Variants in SNAPC4 observed in about 807,000 individuals in gnomAD.
SNAPC4 encodes the protein snRNA-activating protein complex subunit 4.
Under a neutral mutation model 151.3 loss-of-function variants are expected in SNAPC4, and 127 were observed. The observed-to-expected ratio is 0.84, with a 90% CI of 0.73 to 0.97. The LOEUF (loss-of-function observed/expected upper bound fraction) is 0.97. Among genes scored for constraint, SNAPC4 ranks in the 50% least tolerant of loss-of-function variants. The probability of loss-of-function intolerance (pLI) is 0.00; values close to 1 mark genes in which losing one functional copy is unlikely to be tolerated. For synonymous variants in SNAPC4, 1,002 were observed against 824.4 expected (o/e 1.22, Z -3.69); for missense variants, 2,186 against 1,935.0 (o/e 1.13, Z -2.43).
Position 136,378,290 on chromosome 9 carries a change from C to T in SNAPC4, c.3537G>A (p.Gln1179=), listed in dbSNP as rs1370543497. Residue 1179 remains glutamine (Q), a synonymous_variant, in exon 22 of 24, where the codon CAG becomes CAA. Transcript: ENST00000684778. ...GSVAFVPGEA[Q]VAREIPEPRT... Reference sequence around the variant, plus strand: ...TGGGCTCAGGTATCTCCCTGGCCACCTGGGCCTCTCCAGGGACAAAGGCCA... The same window carrying T: ...TGGGCTCAGGTATCTCCCTGGCCACTTGGGCCTCTCCAGGGACAAAGGCCA... 1.2e-5 allele frequency: 20 copies of T among 1,604,752 alleles called. No homozygotes were observed. The highest frequency in any genetic ancestry group is 1.7e-5 in the Non-Finnish European group (20 of 1,176,268).
intron 3 of SNAPC4, among the ~76,000 whole-genome samples, 165 bp from the exon 4 acceptor site, chr9:136,395,935 G>A (rs970963157): frequency 6.6e-5 from 10 of 152,252 alleles, no homozygotes; most frequent in African/African-American, 1.4e-4. Context: ...GCGGGAGGGC[G>A]TCTGAGTTTG....
At chr9:136,398,613 C>T in intron 1 of SNAPC4, 176 bp from the exon 2 acceptor site, 2 of 653,734 alleles carry the variant, frequency 3.1e-6, no homozygotes, top group Non-Finnish European at 5.2e-6. Flanking sequence ...GGGACAGGAA[C>T]CTCAGACCCC....
At chr9:136,390,554 GAAAAAAAAAAAA>G (rs58732608) in intron 10 of SNAPC4, among the ~76,000 whole-genome samples, 1,250 of 48,914 alleles carry the variant, frequency 0.026, 34 homozygotes, top group African/African-American at 0.1. Flanking sequence ...GACTCTGTTT[GAAAAAAAAAAAA>G]AAAAAAAAAA....
intron 13 of SNAPC4, among the ~76,000 whole-genome samples, chr9:136,386,134 C>G (rs1564386969): frequency 6.7e-6 from 1 of 148,224 alleles, no homozygotes. Flanking sequence ...GACATCCTTG[C>G]CAACACGGTG....
At chr9:136,386,001 A>G (rs545987388) in intron 13 of SNAPC4, among the ~76,000 whole-genome samples, 2 of 151,936 alleles carry the variant, frequency 1.3e-5, no homozygotes, top group South Asian at 4.2e-4. Flanking sequence ...CCTACTTTCG[A>G]TTCTTTTGGG....
rs765922677 is a variant in SNAPC4, at chr9:136,383,145, G to GA, written c.1983+40dup. 1.3e-6 allele frequency: 2 copies of GA among 1,509,020 alleles called. No homozygotes were observed. Among genetic ancestry groups the GA allele is most frequent in the South Asian group, 2.7e-5 (2 of 74,862 alleles). The allele number at this position is 1,509,020 out of a possible 1,614,324, so 93.5% of individuals were successfully genotyped here. A position where few individuals can be genotyped will look rare whatever the true frequency, so the allele number is the denominator to read the frequency against. On this transcript the variant is annotated intron_variant, in intron 16 of 23. Coordinates refer to ENST00000684778, the MANE Select transcript of SNAPC4 (RefSeq NM_003086.4). The surrounding 1 kb of genome is among the most constrained non-coding windows in gnomAD (Gnocchi z 4.2). ...GCGTCAGCCCTGGCGAGCGAGTGCC[G>GA]AAAGTGCACTTCCCGTGGTACACCC...
chr9:136,384,154 G>T, intron 14 of SNAPC4, 122 bp from the exon 15 acceptor site: 1 of 716,768 alleles, frequency 1.4e-6, no homozygotes, highest in Non-Finnish European at 2.3e-6. Flanking sequence ...GCACTCTCAC[G>T]CTGGGGGGTC....
intron 11 of SNAPC4, 66 bp downstream of exon 11, chr9:136,388,378 A>G (rs985299116): frequency 6.5e-7 from 1 of 1,533,592 alleles, no homozygotes; most frequent in Non-Finnish European, 8.9e-7. Context: ...TTTCCCTGCA[A>G]GTCTCCAGTG....
intron 22 of SNAPC4, 80 bp from the exon 23 acceptor site, chr9:136,376,561 G>C: frequency 6.5e-7 from 1 of 1,544,314 alleles, no homozygotes; most frequent in Non-Finnish European, 8.9e-7. Context: ...GAGTGAGGAG[G>C]GGCCCTGTGG....
Position 136,378,583 on chromosome 9 carries a change from C to T in SNAPC4, c.3244G>A (p.Ala1082Thr), listed in dbSNP as rs1183311480. 6.3e-7 allele frequency: 1 copy of T among 1,586,236 alleles called. No individual in the cohort carries two copies. The change falls in exon 22 of 24, where the codon GCC becomes ACC. Residue 1082 changes from alanine (A) to threonine (T), a missense_variant. Physicochemically the swap from Ala to Thr is moderately conservative, Grantham distance 58. Transcript: ENST00000684778. ...ACAGGAACAGGGAGAAGCCCCTGGG[C>T]TGTGAGCACCCAGGTGACAGGCAGG... ...VPLPVTWVLT[A>T]QGLLPVPVPA...
chr9:136,380,932 G>A, intron 19 of SNAPC4, 82 bp from the exon 20 acceptor site: 1 of 806,692 alleles, frequency 1.2e-6, no homozygotes, highest in South Asian at 1.5e-5. Context: ...AGAACCTGGG[G>A]CAGCCCTGAG....
chr9:136,386,883 G>A (rs1833907888), intron 13 of SNAPC4, among the ~76,000 whole-genome samples: 2 of 152,126 alleles, frequency 1.3e-5, no homozygotes, highest in Admixed American at 1.3e-4. Context: ...CTCCCAAGTA[G>A]CTGGGATTAC....
intron 12 of SNAPC4, 62 bp from the exon 13 acceptor site, chr9:136,387,641 C>A: frequency 7.0e-7 from 1 of 1,436,910 alleles, no homozygotes. Context: ...CCTCCCCACC[C>A]TGAACCCAGT....
rs531570724 is a variant in SNAPC4, at chr9:136,377,788, A to G, written c.4039T>C (p.Ser1347Pro). The G allele has an allele frequency of 1.2e-5, 19 of 1,611,932 alleles. No homozygotes were observed. The East Asian group carries it at 3.6e-4, about 30-fold the overall frequency. Residue 1347 changes from serine to proline, a missense_variant, in exon 22 of 24, where the codon TCA becomes CCA. Ser to Pro is a moderately conservative substitution (Grantham distance 74). Coordinates refer to ENST00000684778, the MANE Select transcript of SNAPC4 (RefSeq NM_003086.4). Reference protein sequence around the residue: ...AERPAGALQASLGLVRGQLQD... With the variant: ...AERPAGALQAPLGLVRGQLQD... ...AGCTGCCCCCGCACCAGCCCCAGTG[A>G]GGCTTGCAGTGCTCCGGCCGGCCGC...
rs976666862 is a variant in SNAPC4, at chr9:136,387,031, C to T, written c.1325+454G>A. Among the ~76,000 whole-genome samples the T allele has an allele frequency of 4.6e-5, 7 of 152,344 alleles. No individual in the cohort carries two copies. In the South Asian group the frequency reaches 1.4e-3, roughly 32 times the overall value. ...AAGTACTGGGATTACAGGCGTGAGC[C>T]ACTGCGCCCAGCTTCGGAAATATAC... is the stretch of plus-strand genomic sequence containing the variant. On this transcript the variant is annotated intron_variant, in intron 13 of 23. Transcript: ENST00000684778.
chr9:136,392,838 C>A, intron 7 of SNAPC4, 61 bp from the exon 8 acceptor site: 1 of 1,351,902 alleles, frequency 7.4e-7, no homozygotes, highest in Non-Finnish European at 1.0e-6. Flanking sequence ...GGGGCAGGTT[C>A]TCTGCACATT....
chr9:136,376,902 A>C (rs1236361778), intron 22 of SNAPC4, among the ~76,000 whole-genome samples: 2 of 152,130 alleles, frequency 1.3e-5, no homozygotes, highest in African/African-American at 4.8e-5. Flanking sequence ...CACACTCCCT[A>C]TGACAGGCCC....
chr9:136,381,198 A>G, intron 19 of SNAPC4, 124 bp downstream of exon 19: 2 of 797,784 alleles, frequency 2.5e-6, no homozygotes, highest in Non-Finnish European at 2.2e-6. Flanking sequence ...TGAAAAGTGC[A>G]TTTTCAAGGC....
In SNAPC4 at chr9:136,381,360, G is replaced by A. The variant is rs759546458; in HGVS notation, c.2350C>T (p.Arg784Cys). The A allele has an allele frequency of 1.2e-6, 2 of 1,612,634 alleles. No individual in the cohort carries two copies. The highest frequency in any genetic ancestry group is 1.1e-5 in the South Asian group (1 of 91,088). Residue 784 changes from arginine (R) to cysteine (C), a missense_variant, in exon 19 of 24, where the codon CGC becomes TGC. Transcript: ENST00000684778. ...DGLREQLQQA[R>C]LASTPVFTLF... ...GTAAACACAGGGGTGCTGGCCAGGC[G>A]GGCCTGCTGCAGCTGCTCCCTGAGG... is the stretch of plus-strand genomic sequence containing the variant.
Sources: gnomAD v4.1 joint callset for allele counts (sites outside exome capture counted in the v4.1 genomes callset) on GRCh38, gnomAD v4.1.1 for gene constraint, Gnocchi (gnomAD v3.1) non-coding constraint, MANE v1.5 for transcripts, NCBI Gene and HGNC (gene_info 2026-07-23, HGNC 2026-07-21) for gene names.